The following CUEDC1 variants were observed in gnomAD, a reference collection of about 807,000 sequenced individuals.
The protein encoded by CUEDC1 is CUE domain-containing protein 1.
Under a neutral mutation model 43.7 loss-of-function variants are expected in CUEDC1, and 30 were observed. That is an observed-to-expected ratio of 0.69 (90% CI 0.51 to 0.93). The LOEUF is 0.93. Among genes scored for constraint, CUEDC1 ranks in the 40% least tolerant of loss-of-function variants. The pLI is 0.00. For synonymous variants in CUEDC1, 223 were observed against 223.6 expected (o/e 1.00, Z 0.02); for missense variants, 486 against 549.0 (o/e 0.89, Z 1.15).
intron 1 of CUEDC1, among the ~76,000 whole-genome samples, chr17:57,949,732 C>T (rs1467938483): frequency 6.6e-6 from 1 of 151,918 alleles, no homozygotes; most frequent in Non-Finnish European, 1.5e-5. Context: ...GCCACCACGC[C>T]TAGCTAATTT....
chr17:57,886,824 T>G (rs904816967), intron 1 of CUEDC1, among the ~76,000 whole-genome samples: 1 of 149,722 alleles, frequency 6.7e-6, no homozygotes, highest in Non-Finnish European at 1.5e-5. Flanking sequence ...GTTGTTTTTT[T>G]TTTTTTTTTT....
At chr17:57,904,791 AC>A (rs1457000822) in intron 1 of CUEDC1, among the ~76,000 whole-genome samples, 1 of 151,940 alleles carries the variant, frequency 6.6e-6, no homozygotes, top group Non-Finnish European at 1.5e-5. Context: ...CCTCATTCCC[AC>A]CCTTCCTCGG....
chr17:57,864,727 G>A (rs903609316), intron 10 of CUEDC1, among the ~76,000 whole-genome samples: 1 of 152,052 alleles, frequency 6.6e-6, no homozygotes, highest in African/African-American at 2.4e-5. Flanking sequence ...AGAAGGAGCT[G>A]GAAGGGGACA....
chr17:57,871,797 G>A (rs956019124), intron 5 of CUEDC1, among the ~76,000 whole-genome samples: 1 of 152,192 alleles, frequency 6.6e-6, no homozygotes, highest in Non-Finnish European at 1.5e-5. Flanking sequence ...GGTGGCGTGC[G>A]CCTATAATCC....
chr17:57,869,576 A>G (rs767209875), intron 6 of CUEDC1, among the ~76,000 whole-genome samples: 5 of 152,144 alleles, frequency 3.3e-5, no homozygotes, highest in African/African-American at 4.8e-5. Context: ...TGGCTGTGAA[A>G]CATTCACCAG....
intron 1 of CUEDC1, among the ~76,000 whole-genome samples, chr17:57,895,686 G>A (rs2074401155): frequency 6.6e-6 from 1 of 152,174 alleles, no homozygotes; most frequent in Admixed American, 6.5e-5. Flanking sequence ...GGATTAAGGG[G>A]GCTACTGTCC....
At chr17:57,872,641 A>G in intron 5 of CUEDC1, 22 bp downstream of exon 5, 17 of 1,611,784 alleles carry the variant, frequency 1.1e-5, no homozygotes, top group Non-Finnish European at 1.4e-5. Context: ...GCCAGGGAGA[A>G]GTGGCTGCAG....
chr17:57,899,149 G>A (rs1011237654), intron 1 of CUEDC1, among the ~76,000 whole-genome samples: 8 of 152,196 alleles, frequency 5.3e-5, no homozygotes, highest in Admixed American at 3.9e-4. Context: ...GAGGCCGCCC[G>A]CCTCAGGCAG....
intron 1 of CUEDC1, among the ~76,000 whole-genome samples, chr17:57,896,862 C>A (rs1428684932): frequency 6.6e-6 from 1 of 150,380 alleles, no homozygotes; most frequent in Non-Finnish European, 1.5e-5. Context: ...CTCTGCCTCC[C>A]GGGTTCAAGT....
intron 1 of CUEDC1, among the ~76,000 whole-genome samples, chr17:57,946,455 C>T (rs537391232): frequency 2.0e-5 from 3 of 152,132 alleles, no homozygotes; most frequent in Admixed American, 6.6e-5. Context: ...GGCCTCAAGC[C>T]GTCTCAGGAA....
intron 1 of CUEDC1, among the ~76,000 whole-genome samples, chr17:57,945,037 T>A (rs2074948477): frequency 6.6e-6 from 1 of 152,182 alleles, no homozygotes. Flanking sequence ...TCCGAGGCTG[T>A]CATCGATTTG....
At chr17:57,942,463 A>G (rs2074925402) in intron 1 of CUEDC1, among the ~76,000 whole-genome samples, 1 of 151,918 alleles carries the variant, frequency 6.6e-6, no homozygotes, top group South Asian at 2.1e-4. Context: ...CTCTCAGCTC[A>G]CTGCAACCTC....
At chr17:57,868,563 G>T (rs543101963) in intron 7 of CUEDC1, 1 of 393,060 alleles carries the variant, frequency 2.5e-6, no homozygotes, top group Non-Finnish European at 4.7e-6. Flanking sequence ...ATCTTGGCTC[G>T]CTTTCCCGCC....
chr17:57,914,782 A>AG (rs1247328032), intron 1 of CUEDC1, among the ~76,000 whole-genome samples: 1 of 152,218 alleles, frequency 6.6e-6, no homozygotes, highest in East Asian at 1.9e-4. Context: ...GGATCAGGCC[A>AG]GGGAGGAGGA....
chr17:57,917,272 A>G (rs2074652144), intron 1 of CUEDC1, among the ~76,000 whole-genome samples: 1 of 152,220 alleles, frequency 6.6e-6, no homozygotes, highest in African/African-American at 2.4e-5. Context: ...TGAATGTTGG[A>G]GGAAGATGAC....
Position 57,873,638 on chromosome 17 carries a change from G to A in CUEDC1, c.544C>T (p.Pro182Ser). The stretch of plus-strand genomic sequence containing the variant: ...GGCAGGATGCGGAGAAAGTCATCCG[G>A]AAGGTTGCCCAGCAGTGGTGGGTTC... ...NWNPPLLGNL[P>S]DDFLRILPQQ... The change falls in exon 4 of 11, where the codon CCG (proline) becomes TCG (serine). Residue 182 changes from proline to serine, a missense_variant. Transcript: ENST00000577830. 1 of 1,604,666 alleles carries A rather than the reference G, an allele frequency of 6.2e-7. No homozygotes were observed. The highest frequency in any genetic ancestry group is 1.1e-5 in the South Asian group (1 of 89,426).
Position 57,873,599 on chromosome 17 carries a change from T to C in CUEDC1, c.583A>G (p.Ser195Gly). Residue 195 changes from serine (S) to glycine (G), a missense_variant, in exon 4 of 11, where the codon AGC becomes GGC. By Grantham distance (56) the Ser-to-Gly change is moderately conservative. Transcript: ENST00000577830. ...GGGGCGGCCCCTGTTACCTGTATGCTGTCCAGCTGCTGGGGCAGGATGCGG... is the reference window on the plus strand; with the variant it reads ...GGGGCGGCCCCTGTTACCTGTATGCCGTCCAGCTGCTGGGGCAGGATGCGG... Reference protein sequence around the residue: ...FLRILPQQLDSIQGNAGGPKP... With the variant: ...FLRILPQQLDGIQGNAGGPKP... 1.9e-6 allele frequency: 3 copies of C among 1,587,894 alleles called. No homozygotes were observed. The African/African-American group carries it at 4.0e-5, about 21-fold the overall frequency.
At chr17:57,929,472 G>T (rs9891241) in intron 1 of CUEDC1, among the ~76,000 whole-genome samples, 1 of 152,052 alleles carries the variant, frequency 6.6e-6, no homozygotes, top group South Asian at 2.1e-4. Flanking sequence ...CAAATAAGTA[G>T]AGAAAAAGAA....
At chr17:57,948,636 T>A (rs181046633) in intron 1 of CUEDC1, among the ~76,000 whole-genome samples, 2 of 152,316 alleles carry the variant, frequency 1.3e-5, no homozygotes, top group African/African-American at 2.4e-5. Context: ...CATCTTCCTG[T>A]CTCCAGATGA....
Sources: allele counts gnomAD v4.1 joint callset (sites outside exome capture counted in the v4.1 genomes callset), GRCh38; gene constraint gnomAD v4.1.1; transcripts MANE v1.5; gene names NCBI Gene and HGNC (gene_info 2026-07-23, HGNC 2026-07-21).